The following ZNF69 variants were observed in gnomAD, a reference collection of about 807,000 sequenced individuals.
ZNF69 encodes ZNF3.
In ZNF69, 47 loss-of-function variants were observed where a neutral mutation model predicts 50.9. That is an observed-to-expected ratio of 0.92 (90% confidence interval 0.73 to 1.18). The LOEUF is 1.18. Ranked by LOEUF, ZNF69 falls within the 50% of genes most tolerant of loss-of-function variation. ZNF69 has a pLI of 0.00. For missense variants in ZNF69, 717 were observed against 675.1 expected (o/e 1.06, Z -0.69); for synonymous variants, 216 against 223.1 (o/e 0.97, Z 0.29).
the ZNF69 span, among the ~76,000 whole-genome samples, chr19:11,960,387 C>T: frequency 1.9e-4 from 29 of 152,182 alleles, no homozygotes; most frequent in Non-Finnish European, 4.1e-4. Context: ...GGTGTGGCCA[C>T]TCACTGCCCA....
downstream of ZNF69, among the ~76,000 whole-genome samples, chr19:11,917,433 T>C (rs1599269880): frequency 2.0e-5 from 3 of 152,174 alleles, no homozygotes; most frequent in East Asian, 3.8e-4. Context: ...CTTCACACAC[T>C]ACCTAGGAGT....
chr19:11,954,064 A>G, the ZNF69 span, among the ~76,000 whole-genome samples: 1 of 152,184 alleles, frequency 6.6e-6, no homozygotes, highest in Non-Finnish European at 1.5e-5. Flanking sequence ...CAGGAAAAAA[A>G]TTTCAGATCA....
chr19:11,924,130 G>A, the ZNF69 span, among the ~76,000 whole-genome samples: 1 of 152,088 alleles, frequency 6.6e-6, no homozygotes, highest in Non-Finnish European at 1.5e-5. Flanking sequence ...AGAGTTATTT[G>A]TATAGATAAA....
chr19:11,978,399 T>G, the ZNF69 span: 1 of 1,614,164 alleles, frequency 6.2e-7, no homozygotes, highest in Non-Finnish European at 8.5e-7. Flanking sequence ...TCACCCCTCC[T>G]TTAGAACACA....
At chr19:11,948,765 G>A in the ZNF69 span, 253 of 1,611,034 alleles carry the variant, frequency 1.6e-4, no homozygotes, top group Non-Finnish European at 2.1e-4. Flanking sequence ...ACACTGGAGA[G>A]AAACCATATG....
chr19:11,978,458 A>G, the ZNF69 span: 3 of 1,614,176 alleles, frequency 1.9e-6, no homozygotes, highest in East Asian at 6.7e-5. Context: ...AAGAATGTGG[A>G]AAAACCTTTA....
chr19:11,890,588 A>G (rs1359816152), intron 1 of ZNF69, among the ~76,000 whole-genome samples: 1 of 151,996 alleles, frequency 6.6e-6, no homozygotes, highest in Non-Finnish European at 1.5e-5. Context: ...TAACAATCTG[A>G]TCTCTCTTTT....
At chr19:11,943,579 G>C in the ZNF69 span, among the ~76,000 whole-genome samples, 1 of 152,050 alleles carries the variant, frequency 6.6e-6, no homozygotes, top group Non-Finnish European at 1.5e-5. Flanking sequence ...ATCATGGGAG[G>C]CTCAGATGGG....
intron 1 of ZNF69, among the ~76,000 whole-genome samples, chr19:11,897,669 G>A (rs1289270296): frequency 6.6e-6 from 1 of 151,148 alleles, no homozygotes; most frequent in Non-Finnish European, 1.5e-5. Context: ...TCAGGAGATC[G>A]AGACCATCCT....
the ZNF69 span, chr19:11,948,877 A>G: frequency 1.9e-6 from 3 of 1,603,604 alleles, no homozygotes; most frequent in Non-Finnish European, 2.5e-6. Flanking sequence ...CAAATGTGAT[A>G]AAGCATTTCA....
chr19:11,923,842 T>TG, the ZNF69 span, among the ~76,000 whole-genome samples: 1 of 152,218 alleles, frequency 6.6e-6, no homozygotes, highest in Non-Finnish European at 1.5e-5. Flanking sequence ...CCAAGGCCAG[T>TG]GATTCCACGT....
At chr19:11,966,520 T>C in the ZNF69 span, among the ~76,000 whole-genome samples, 3 of 152,102 alleles carry the variant, frequency 2.0e-5, no homozygotes, top group African/African-American at 7.2e-5. Context: ...ATTACAGACA[T>C]GCACCACCAT....
At chr19:11,914,235 G>C (rs1972499947) in exon 5 of ZNF69, 1 of 151,814 alleles carries the variant, frequency 6.6e-6, no homozygotes, top group Non-Finnish European at 1.5e-5. Flanking sequence ...AGACTTGCTT[G>C]AATATAGGAG....
intron 1 of ZNF69, among the ~76,000 whole-genome samples, chr19:11,902,730 A>G (rs1472945841): frequency 2.6e-5 from 4 of 151,280 alleles, no homozygotes; most frequent in Non-Finnish European, 5.9e-5. Context: ...TCCTCTGACA[A>G]TATCATCAAA....
the ZNF69 span, chr19:11,948,539 A>G: frequency 6.2e-7 from 1 of 1,610,732 alleles, no homozygotes; most frequent in Non-Finnish European, 8.5e-7. Context: ...CCTAAAAATA[A>G]GAAAGCCTTC....
At chr19:11,935,951 T>G in the ZNF69 span, among the ~76,000 whole-genome samples, 1 of 152,198 alleles carries the variant, frequency 6.6e-6, no homozygotes, top group African/African-American at 2.4e-5. Context: ...AGTGAGAATA[T>G]GCAGTGTTTG....
the ZNF69 span, among the ~76,000 whole-genome samples, chr19:11,920,745 C>T: frequency 2.6e-4 from 39 of 152,236 alleles, 1 homozygote; most frequent in South Asian, 5.0e-3. Context: ...AAAAATTAGC[C>T]GGGCATGGTA....
In ZNF69 at chr19:11,904,649, G is replaced by C; in HGVS notation, c.252G>C (p.Arg84Ser). 6.2e-7 allele frequency: 1 copy of C among 1,609,284 alleles called. No homozygotes were observed. The highest frequency in any genetic ancestry group is 8.5e-7 in the Non-Finnish European group (1 of 1,178,934). ...YEYQNPRRNF[R>S]SLIEKKVNEI... ...GTAATGTGCTTCTCATTTTTGACAGGAGTCTCATAGAAAAGAAAGTCAATG... is the reference window on the plus strand; with the variant it reads ...GTAATGTGCTTCTCATTTTTGACAGCAGTCTCATAGAAAAGAAAGTCAATG... The change falls in exon 4 of 4, where the codon AGG (arginine) becomes AGC (serine). Residue 84 changes from arginine to serine, a missense_variant and splice_region_variant. Physicochemically the swap from Arg to Ser is moderately radical, Grantham distance 110. Coordinates refer to ENST00000429654, the MANE Select transcript of ZNF69 (RefSeq NM_001364730.1).
At chr19:11,939,056 C>T in the ZNF69 span, among the ~76,000 whole-genome samples, 1 of 152,108 alleles carries the variant, frequency 6.6e-6, no homozygotes, top group African/African-American at 2.4e-5. Context: ...GTCCTTTGCC[C>T]ACTTTTTGAT....
Sources: gnomAD v4.1 joint callset for allele counts (sites outside exome capture counted in the v4.1 genomes callset) on GRCh38, gnomAD v4.1.1 for gene constraint, MANE v1.5 for transcripts, NCBI Gene and HGNC (gene_info 2026-07-23, HGNC 2026-07-21) for gene names.